The following ABHD13 variants were observed in gnomAD, a reference collection of about 807,000 sequenced individuals.
ABHD13 encodes protein ABHD13.
Under a neutral mutation model 25.2 loss-of-function variants are expected in ABHD13, and 7 were observed. The ratio of observed to expected loss-of-function variants is 0.28; its 90% confidence interval spans 0.16 to 0.52. The LOEUF (loss-of-function observed/expected upper bound fraction) is 0.52. ABHD13 is among the 20% of genes least tolerant of loss of function. The pLI, the probability that ABHD13 is intolerant of heterozygous loss-of-function variation, is 0.96. For missense variants in ABHD13, 302 were observed against 402.7 expected (o/e 0.75, Z 2.14); for synonymous variants, 133 against 136.1 (o/e 0.98, Z 0.16).
chr13:108,228,069 A>G (rs1879711834), intron 1 of ABHD13, among the ~76,000 whole-genome samples: 2 of 152,204 alleles, frequency 1.3e-5, no homozygotes, highest in South Asian at 4.1e-4. Flanking sequence ...TAGTATTTTT[A>G]AAAGTTCAGT....
In ABHD13 at chr13:108,223,443, A is replaced by G. The variant is rs1879607734; in HGVS notation, c.-21+4784A>G. Among the ~76,000 whole-genome samples, 7 of 152,256 alleles carry G rather than the reference A, an allele frequency of 4.6e-5. No homozygotes were observed. In the South Asian group the frequency reaches 1.4e-3, roughly 31 times the overall value. ...TTATGTGCACTTCCAGTGTTGTCAC[A>G]CATTTGTCACACAATGTGTTAAAAA... On this transcript the variant is annotated intron_variant, in intron 1 of 1. Transcript: ENST00000375898.
chr13:108,224,615 G>C (rs541667757), intron 1 of ABHD13, among the ~76,000 whole-genome samples: 1 of 152,274 alleles, frequency 6.6e-6, no homozygotes, highest in South Asian at 2.1e-4. Context: ...CATCACTCAT[G>C]CCCTTAGCTG....
chr13:108,229,746 G>T lies in ABHD13; in HGVS notation c.528G>T (p.Val176=). The T allele has an allele frequency of 6.2e-7, 1 of 1,613,384 alleles. No individual in the cohort carries two copies. The highest frequency in any genetic ancestry group is 8.5e-7 in the Non-Finnish European group (1 of 1,179,508). The change falls in exon 2 of 2, where the codon GTG becomes GTT. Residue 176 remains valine (V), a synonymous_variant. Coordinates refer to ENST00000375898, the MANE Select transcript of ABHD13 (RefSeq NM_032859.3). This position sits in a 1 kb window ranked among gnomAD's most constrained non-coding sequence, Gnocchi z 4.7. The stretch of plus-strand genomic sequence containing the variant: ...ATTCTGAAGCTGTGTTAGACTACGT[G>T]ATGACTAGACCTGACCTTGATAAAA... ...YLDSEAVLDY[V]MTRPDLDKTK...
rs1879835089 is a variant in ABHD13 at position 108,232,769 on chromosome 13, T to G, written c.*2537T>G. 6.0e-6 allele frequency: 1 copy of G among 166,812 alleles called. No individual in the cohort carries two copies. Among genetic ancestry groups the G allele is most frequent in the Non-Finnish European group, 1.5e-5 (1 of 68,014 alleles). 10.3% of individuals were successfully genotyped at this position (166,812 alleles called of 1,614,324 possible). A position where few individuals can be genotyped will look rare whatever the true frequency, so the allele number is the denominator to read the frequency against. On this transcript the variant is annotated 3_prime_UTR_variant, in exon 2 of 2. Transcript: ENST00000375898. ...CATTTAGAATAAAATCTCACATCCA[T>G]TATTTTAAAGGGAATGATTGGGGGG...
chr13:108,231,372 T>C lies in ABHD13; in HGVS notation c.*1140T>C, dbSNP rs1384483988. ...CAAAAGACAGTTTTAGGAAGTCTTA[T>C]TTATTGATTTTAAAAGTTTTACATG... On this transcript the variant is annotated 3_prime_UTR_variant, in exon 2 of 2. Transcript: ENST00000375898. 1 of 166,680 alleles carries C rather than the reference T, an allele frequency of 6.0e-6. No individual in the cohort carries two copies. Among genetic ancestry groups the C allele is most frequent in the Non-Finnish European group, 1.5e-5 (1 of 67,968 alleles). The allele number at this position is 166,680 out of a possible 1,614,324, so 10.3% of individuals were successfully genotyped here.
At chr13:108,227,440 T>C (rs535597788) in intron 1 of ABHD13, among the ~76,000 whole-genome samples, 1 of 152,200 alleles carries the variant, frequency 6.6e-6, no homozygotes, top group African/African-American at 2.4e-5. Flanking sequence ...AAATTAGATG[T>C]TAGAGGCTAC....
At chr13:108,228,098 G>A (rs1387341463) in intron 1 of ABHD13, among the ~76,000 whole-genome samples, 1 of 151,964 alleles carries the variant, frequency 6.6e-6, no homozygotes, top group East Asian at 1.9e-4. Context: ...ATAAGTAGAC[G>A]AATAGTACAT....
intron 1 of ABHD13, among the ~76,000 whole-genome samples, chr13:108,224,653 C>T (rs1345065499): frequency 2.0e-5 from 3 of 152,146 alleles, no homozygotes. Flanking sequence ...CACTGTTAGC[C>T]AGCAAGGTGG....
chr13:108,222,272 C>T (rs530033131), intron 1 of ABHD13, among the ~76,000 whole-genome samples: 1 of 152,120 alleles, frequency 6.6e-6, no homozygotes, highest in Admixed American at 6.5e-5. Flanking sequence ...CTAATTTATT[C>T]TCCTACTAAC....
intron 1 of ABHD13, among the ~76,000 whole-genome samples, chr13:108,226,955 T>A (rs1879686661): frequency 6.6e-6 from 1 of 152,062 alleles, no homozygotes. Context: ...AAGAATATGT[T>A]AAGGAGAAAA....
At chr13:108,220,535 T>G (rs777998858) in intron 1 of ABHD13, among the ~76,000 whole-genome samples, 1 of 152,222 alleles carries the variant, frequency 6.6e-6, no homozygotes, top group Non-Finnish European at 1.5e-5. Context: ...TTAAATAGCC[T>G]TTTTTCGTGT....
At chr13:108,223,269 T>G (rs1178263712) in intron 1 of ABHD13, among the ~76,000 whole-genome samples, 3 of 152,244 alleles carry the variant, frequency 2.0e-5, no homozygotes, top group African/African-American at 4.8e-5. Flanking sequence ...GGCAACCTCA[T>G]TCATTTTCTA....
In ABHD13 at chr13:108,233,516, T is replaced by C. The variant is rs1879853740; in HGVS notation, c.*3284T>C. 6.0e-6 allele frequency: 1 copy of C among 166,726 alleles called. No homozygotes were observed. Among genetic ancestry groups the C allele is most frequent in the Non-Finnish European group, 1.5e-5 (1 of 67,928 alleles). 10.3% of individuals were successfully genotyped at this position (166,726 alleles called of 1,614,324 possible). A position where few individuals can be genotyped will look rare whatever the true frequency, so the allele number is the denominator to read the frequency against. On this transcript the variant is annotated 3_prime_UTR_variant, in exon 2 of 2. Coordinates refer to ENST00000375898, the MANE Select transcript of ABHD13 (RefSeq NM_032859.3). The stretch of plus-strand genomic sequence containing the variant: ...TCTTCTTTCCCATTTTCCTATTATG[T>C]TTGATAATTATATGTATTTTTAAAA...
chr13:108,226,506 A>G (rs1879675230), intron 1 of ABHD13, among the ~76,000 whole-genome samples: 1 of 152,162 alleles, frequency 6.6e-6, no homozygotes, highest in African/African-American at 2.4e-5. Flanking sequence ...CACCTTTATC[A>G]GGTTTCCAGG....
At chr13:108,222,613 T>C (rs985404346) in intron 1 of ABHD13, among the ~76,000 whole-genome samples, 10 of 152,146 alleles carry the variant, frequency 6.6e-5, no homozygotes, top group Admixed American at 2.6e-4. Flanking sequence ...GTGGATTATA[T>C]AGATATTTAT....
In ABHD13 at chr13:108,218,572, G is replaced by A. The variant is rs1310904275; in HGVS notation, c.-108G>A. On this transcript the variant is annotated 5_prime_UTR_variant, in exon 1 of 2. Transcript: ENST00000375898. ...CCCTGGGCTGGAGGAGGATGATGAG[G>A]AGCGACGGAAGCGACGCGGGGGTAC... 1 of 152,076 alleles carries A rather than the reference G, an allele frequency of 6.6e-6. No individual in the cohort carries two copies. Among genetic ancestry groups the A allele is most frequent in the Non-Finnish European group, 1.5e-5 (1 of 68,032 alleles). The allele number at this position is 152,076 out of a possible 1,614,324, so 9.4% of individuals were successfully genotyped here. A position where few individuals can be genotyped will look rare whatever the true frequency, so the allele number is the denominator to read the frequency against.
Position 108,234,196 on chromosome 13 carries a change from A to G in ABHD13, c.*3964A>G, listed in dbSNP as rs776302995. 3 of 166,794 alleles carry G rather than the reference A, an allele frequency of 1.8e-5. No homozygotes were observed. Among genetic ancestry groups the G allele is most frequent in the Non-Finnish European group, 4.4e-5 (3 of 67,984 alleles). 10.3% of individuals were successfully genotyped at this position (166,794 alleles called of 1,614,324 possible). On this transcript the variant is annotated 3_prime_UTR_variant, in exon 2 of 2. Coordinates refer to ENST00000375898, the MANE Select transcript of ABHD13 (RefSeq NM_032859.3). ...AAATTTCTTTTAAAATATACTTTCT[A>G]TTTTTCTGTACTGACATATGCAATA...
chr13:108,225,944 T>A (rs1879663085), intron 1 of ABHD13, among the ~76,000 whole-genome samples: 3 of 152,150 alleles, frequency 2.0e-5, no homozygotes, highest in African/African-American at 7.2e-5. Context: ...GATGCCAAGA[T>A]GTTATCAGCA....
chr13:108,222,117 C>G (rs1030211803), intron 1 of ABHD13, among the ~76,000 whole-genome samples: 5 of 151,970 alleles, frequency 3.3e-5, no homozygotes, highest in Non-Finnish European at 5.9e-5. Flanking sequence ...TAGGATTACA[C>G]GCATGAGCCA....
Sources: gnomAD v4.1 joint callset for allele counts (sites outside exome capture counted in the v4.1 genomes callset) on GRCh38, gnomAD v4.1.1 for gene constraint, Gnocchi (gnomAD v3.1) non-coding constraint, MANE v1.5 for transcripts, NCBI Gene and HGNC (gene_info 2026-07-23, HGNC 2026-07-21) for gene names.